CCSER1: variants seen among roughly 807,000 people sequenced by gnomAD.
The protein encoded by CCSER1 is coiled-coil serine rich protein 1, also known as serine-rich coiled-coil domain-containing protein 1.
In CCSER1, 41 loss-of-function variants were observed where a neutral mutation model predicts 82.0. The ratio of observed to expected loss-of-function variants is 0.50; its 90% confidence interval spans 0.39 to 0.65. The LOEUF (loss-of-function observed/expected upper bound fraction) is 0.65. Among genes scored for constraint, CCSER1 ranks in the 30% least tolerant of loss-of-function variants. CCSER1 has a pLI of 0.00. For synonymous variants in CCSER1, 414 were observed against 383.9 expected, an observed-to-expected ratio of 1.08 and a Z score of -0.92; for missense variants, 1,119 against 1,064.2, an observed-to-expected ratio of 1.05 and a Z score of -0.72.
intron 10 of CCSER1, among the ~76,000 whole-genome samples, chr4:91,484,870 T>C (rs975022993): frequency 1.3e-5 from 2 of 152,214 alleles, no homozygotes; most frequent in Non-Finnish European, 2.9e-5. Context: ...CACTCTTACC[T>C]AATCAAAAGT....
intron 4 of CCSER1, among the ~76,000 whole-genome samples, chr4:90,426,927 A>C (rs1757602851): frequency 6.6e-6 from 1 of 152,110 alleles, no homozygotes; most frequent in African/African-American, 2.4e-5. Context: ...ACTGAACAAA[A>C]CTTCTAGATG....
At chr4:90,768,593 G>A (rs1052836166) in intron 7 of CCSER1, among the ~76,000 whole-genome samples, 3 of 152,156 alleles carry the variant, frequency 2.0e-5, no homozygotes, top group Non-Finnish European at 2.9e-5. Flanking sequence ...TGCCTTGACG[G>A]AGCTATTGTT....
intron 6 of CCSER1, among the ~76,000 whole-genome samples, chr4:90,690,843 C>A (rs891388946): frequency 6.6e-6 from 1 of 152,072 alleles, no homozygotes; most frequent in Non-Finnish European, 1.5e-5. Flanking sequence ...ATCACATAGA[C>A]CATGAACCCA....
intron 7 of CCSER1, among the ~76,000 whole-genome samples, chr4:90,761,727 C>T (rs2149521633): frequency 6.6e-6 from 1 of 152,210 alleles, no homozygotes; most frequent in South Asian, 2.1e-4. Flanking sequence ...TCCCTAAAGG[C>T]AGTGCTTTGG....
chr4:90,609,759 G>A (rs751084327), intron 5 of CCSER1, among the ~76,000 whole-genome samples: 1 of 152,046 alleles, frequency 6.6e-6, no homozygotes, highest in African/African-American at 2.4e-5. Flanking sequence ...GAGTAGATTC[G>A]GCTACTGAAT....
At position 90,309,580 on chromosome 4, in the gene CCSER1, A is replaced by T; in HGVS notation, c.1296A>T (p.Ser432=). ...SGDHHIFNKT[S]HGYEANPAKV... ...ATCATCATATTTTTAACAAAACATC[A>T]CATGGATATGAAGCAAATCCTGCCA... Residue 432 remains serine, a synonymous_variant, in exon 2 of 11, where the codon TCA becomes TCT. Transcript: ENST00000509176. The T allele has an allele frequency of 6.3e-7, 1 of 1,599,728 alleles. No homozygotes were observed. Among genetic ancestry groups the T allele is most frequent in the Non-Finnish European group, 8.5e-7 (1 of 1,174,694 alleles).
chr4:90,731,804 C>T (rs1744793167), intron 7 of CCSER1, among the ~76,000 whole-genome samples: 1 of 152,078 alleles, frequency 6.6e-6, no homozygotes, highest in Non-Finnish European at 1.5e-5. Context: ...AATAAACCAT[C>T]TCAAAACCTG....
At chr4:90,143,795 C>T (rs1725280182) in intron 1 of CCSER1, among the ~76,000 whole-genome samples, 1 of 151,818 alleles carries the variant, frequency 6.6e-6, no homozygotes. Flanking sequence ...AGCAATCCTC[C>T]CACCTCAGCC....
intron 4 of CCSER1, among the ~76,000 whole-genome samples, chr4:90,429,357 A>G (rs1284856268): frequency 6.6e-6 from 1 of 151,810 alleles, no homozygotes; most frequent in Non-Finnish European, 1.5e-5. Flanking sequence ...TCTGTTGGCA[A>G]TCCATCAGAA....
At chr4:90,324,150 A>T (rs1737690170) in intron 3 of CCSER1, among the ~76,000 whole-genome samples, 1 of 152,180 alleles carries the variant, frequency 6.6e-6, no homozygotes, top group South Asian at 2.1e-4. Flanking sequence ...GTGTCTTTAT[A>T]GCAGCATGAT....
At chr4:90,276,836 A>C (rs72879733) in intron 1 of CCSER1, among the ~76,000 whole-genome samples, 7,378 of 152,030 alleles carry the variant, frequency 0.049, 471 homozygotes, top group African/African-American at 0.15. Context: ...CTAGGTATTT[A>C]ATGTTTTGTT....
chr4:90,238,038 A>C (rs557562752), intron 1 of CCSER1, among the ~76,000 whole-genome samples: 1 of 152,344 alleles, frequency 6.6e-6, no homozygotes, highest in South Asian at 2.1e-4. Context: ...CTTCAACAGC[A>C]GAAAGAGAAT....
chr4:91,282,614 G>A (rs1056042420), intron 10 of CCSER1, among the ~76,000 whole-genome samples: 5 of 152,188 alleles, frequency 3.3e-5, no homozygotes, highest in Middle Eastern at 3.4e-3. Flanking sequence ...TTAGACAAAG[G>A]AAATTTAAGC....
chr4:90,703,517 C>T (rs1738608547), intron 6 of CCSER1, among the ~76,000 whole-genome samples: 1 of 152,134 alleles, frequency 6.6e-6, no homozygotes, highest in South Asian at 2.1e-4. Flanking sequence ...AGTTCAATTC[C>T]TGGATATCCT....
intron 10 of CCSER1, among the ~76,000 whole-genome samples, chr4:91,436,083 C>A (rs1027228134): frequency 2.0e-5 from 3 of 152,176 alleles, no homozygotes; most frequent in Non-Finnish European, 4.4e-5. Flanking sequence ...ACTGTAGTTA[C>A]ATTATATTAT....
At chr4:90,807,917 C>CA (rs1208647252) in intron 7 of CCSER1, among the ~76,000 whole-genome samples, 1 of 151,764 alleles carries the variant, frequency 6.6e-6, no homozygotes, top group Admixed American at 6.6e-5. Context: ...TATGTGGAAC[C>CA]AAAAAAGAGT....
chr4:90,225,735 G>T (rs1323392544), intron 1 of CCSER1, among the ~76,000 whole-genome samples: 2 of 152,096 alleles, frequency 1.3e-5, no homozygotes, highest in Non-Finnish European at 2.9e-5. Flanking sequence ...TTGATCTATT[G>T]CTGTTTTCCT....
intron 10 of CCSER1, among the ~76,000 whole-genome samples, chr4:91,239,080 C>T (rs922008614): frequency 4.6e-4 from 70 of 151,764 alleles, no homozygotes; most frequent in African/African-American, 1.6e-3. Flanking sequence ...CCACCTCAGC[C>T]TCCCAAAGTG....
At chr4:90,999,443 A>G (rs955588525) in intron 9 of CCSER1, among the ~76,000 whole-genome samples, 2 of 152,158 alleles carry the variant, frequency 1.3e-5, no homozygotes, top group African/African-American at 4.8e-5. Flanking sequence ...GTGAGGTAAT[A>G]TCTCAATGTG....
Sources: gnomAD v4.1 joint callset for allele counts (sites outside exome capture counted in the v4.1 genomes callset) on GRCh38, gnomAD v4.1.1 for gene constraint, MANE v1.5 for transcripts, NCBI Gene and HGNC (gene_info 2026-07-23, HGNC 2026-07-21) for gene names.